BRINP1: variants seen among roughly 807,000 people sequenced by gnomAD.
BRINP1 encodes the protein BMP/retinoic acid inducible neural specific 1.
In BRINP1, 17 loss-of-function variants were observed where a neutral mutation model predicts 72.9. The ratio of observed to expected loss-of-function variants is 0.23; its 90% CI spans 0.16 to 0.35. The LOEUF is 0.35. Among genes scored for constraint, BRINP1 ranks in the 10% least tolerant of loss-of-function variants. The pLI is 1.00. For missense variants in BRINP1, 850 were observed against 1,001.6 expected (o/e 0.85, Z 2.04); for synonymous variants, 418 against 378.5 (o/e 1.10, Z -1.21).
intron 5 of BRINP1, among the ~76,000 whole-genome samples, chr9:119,233,577 T>C (rs1191156442): frequency 1.3e-5 from 2 of 152,182 alleles, no homozygotes; most frequent in African/African-American, 2.4e-5. Context: ...CTCCCCTTTA[T>C]TCATGTTCTT....
chr9:119,298,721 C>T (rs1199765950), intron 2 of BRINP1, among the ~76,000 whole-genome samples: 1 of 152,158 alleles, frequency 6.6e-6, no homozygotes, highest in East Asian at 1.9e-4. Context: ...CATCTCCCAA[C>T]ACCCTTCTAG....
At chr9:119,188,449 G>A (rs372213760) in intron 7 of BRINP1, among the ~76,000 whole-genome samples, 1 of 152,068 alleles carries the variant, frequency 6.6e-6, no homozygotes, top group African/African-American at 2.4e-5. Flanking sequence ...AAGATTCATC[G>A]CCACTAGACC....
intron 1 of BRINP1, among the ~76,000 whole-genome samples, chr9:119,349,778 G>A (rs529095102): frequency 6.0e-4 from 91 of 152,232 alleles, no homozygotes; most frequent in Middle Eastern, 6.8e-3. Context: ...ATCTGTGGAG[G>A]GGAAGTGCAG....
At chr9:119,289,341 C>T (rs554649539) in intron 2 of BRINP1, among the ~76,000 whole-genome samples, 79 of 152,194 alleles carry the variant, frequency 5.2e-4, no homozygotes, top group African/African-American at 1.8e-3. Flanking sequence ...ACCTGTAAGA[C>T]GATGAAGAAC....
At chr9:119,315,146 C>T (rs952440583) in intron 1 of BRINP1, among the ~76,000 whole-genome samples, 23 of 152,110 alleles carry the variant, frequency 1.5e-4, no homozygotes, top group Non-Finnish European at 2.2e-4. Flanking sequence ...TTGTATTATG[C>T]TTACAGGCAT....
At chr9:119,310,012 C>A (rs937052008) in intron 2 of BRINP1, among the ~76,000 whole-genome samples, 4 of 152,046 alleles carry the variant, frequency 2.6e-5, no homozygotes, top group African/African-American at 7.2e-5. Flanking sequence ...TGAACAAAAC[C>A]TAAATCTCTA....
At position 119,242,233 on chromosome 9, in the gene BRINP1, A is replaced by G. The variant is rs536172694; in HGVS notation, c.410-17T>C. The G allele has an allele frequency of 1.2e-5, 20 of 1,611,898 alleles. No homozygotes were observed. The Admixed American group carries it at 3.3e-4, about 27-fold the overall frequency. On this transcript the variant is annotated splice_polypyrimidine_tract_variant and intron_variant, in intron 3 of 7. Coordinates refer to ENST00000265922, the MANE Select transcript of BRINP1 (RefSeq NM_014618.3). ...CCTCCTCCCCTGGATGGGAAAGAAA[A>G]GTAGATAAGAAGGTTTGTGGAGCTT...
At chr9:119,196,410 C>T (rs1829738595) in intron 7 of BRINP1, among the ~76,000 whole-genome samples, 2 of 152,158 alleles carry the variant, frequency 1.3e-5, no homozygotes, top group South Asian at 4.1e-4. Context: ...GAGATCCCAT[C>T]GATTCTCCAA....
intron 1 of BRINP1, among the ~76,000 whole-genome samples, chr9:119,359,406 T>C (rs1831606614): frequency 6.6e-6 from 1 of 152,180 alleles, no homozygotes; most frequent in South Asian, 2.1e-4. Context: ...TGCTAAATAT[T>C]GCCCAGGCTG....
intron 2 of BRINP1, among the ~76,000 whole-genome samples, chr9:119,273,479 G>T (rs1357316390): frequency 6.6e-6 from 1 of 152,140 alleles, no homozygotes; most frequent in Non-Finnish European, 1.5e-5. Context: ...AAAATTCTTT[G>T]AGTGGGAGCA....
In BRINP1 at chr9:119,242,085, T is replaced by G; in HGVS notation, c.541A>C (p.Arg181=). The change falls in exon 4 of 8, where the codon AGG becomes CGG. Residue 181 remains arginine (R), a synonymous_variant. Transcript: ENST00000265922. ...GTTGATATCTGGATCTCATGAAGCCTCCTCATGGTACCATCACGGTCAACA... is the reference window on the plus strand; with the variant it reads ...GTTGATATCTGGATCTCATGAAGCCGCCTCATGGTACCATCACGGTCAACA... The part of the protein sequence containing the change: ...YFVDRDGTMR[R]LHEIQISTGA... 1 of 1,614,096 alleles carries G rather than the reference T, an allele frequency of 6.2e-7. No individual in the cohort carries two copies.
At chr9:119,205,994 T>G (rs1267159474) in intron 7 of BRINP1, among the ~76,000 whole-genome samples, 1 of 148,996 alleles carries the variant, frequency 6.7e-6, no homozygotes, top group Non-Finnish European at 1.5e-5. Context: ...AACTTATATG[T>G]TAAAGTCCTA....
chr9:119,167,746 T>C lies in BRINP1; in HGVS notation c.1624A>G (p.Ile542Val). 1.9e-6 allele frequency: 3 copies of C among 1,614,066 alleles called. No homozygotes were observed. The highest frequency in any genetic ancestry group is 4.5e-5 in the East Asian group (2 of 44,848). ...KNRMDFIHMV[I>V]GMSMRICQMR... ...TGGCAGATGCGCATGGACATGCCGA[T>C]CACCATGTGGATGAAGTCCATGCGG... The change falls in exon 8 of 8, where the codon ATC (isoleucine) becomes GTC (valine). Residue 542 changes from isoleucine (I) to valine (V), a missense_variant. Coordinates refer to ENST00000265922, the MANE Select transcript of BRINP1 (RefSeq NM_014618.3). The surrounding 1 kb of genome is among the most constrained non-coding windows in gnomAD (Gnocchi z 4.3).
rs1830623379 is a variant in BRINP1 at position 119,273,039 on chromosome 9, C to G, written c.219-23889G>C. 2.0e-5 allele frequency among the ~76,000 whole-genome samples: 3 copies of G among 152,158 alleles called. No homozygotes were observed. In the South Asian group the frequency reaches 6.2e-4, roughly 32 times the overall value. On this transcript the variant is annotated intron_variant, in intron 2 of 7. Coordinates refer to ENST00000265922, the MANE Select transcript of BRINP1 (RefSeq NM_014618.3). ...GGCCAGCAGCCAGGGCTTCTGGGCCCTGATGTTTCCTGCACACAGTTCTGG... is the reference window on the plus strand; with the variant it reads ...GGCCAGCAGCCAGGGCTTCTGGGCCGTGATGTTTCCTGCACACAGTTCTGG...
intron 5 of BRINP1, among the ~76,000 whole-genome samples, chr9:119,231,436 C>T (rs1830148102): frequency 6.6e-6 from 1 of 151,998 alleles, no homozygotes; most frequent in South Asian, 2.1e-4. Context: ...CAACATTAGA[C>T]AAAAGTTTTG....
At chr9:119,175,833 A>ACTT (rs1233870894) in intron 7 of BRINP1, among the ~76,000 whole-genome samples, 1 of 152,094 alleles carries the variant, frequency 6.6e-6, no homozygotes, top group Non-Finnish European at 1.5e-5. Flanking sequence ...TGTGTCTAGC[A>ACTT]CTTTTTACCC....
chr9:119,302,554 T>C (rs1247178159), intron 2 of BRINP1, among the ~76,000 whole-genome samples: 1 of 152,134 alleles, frequency 6.6e-6, no homozygotes, highest in Non-Finnish European at 1.5e-5. Context: ...AATGAGAAAG[T>C]GTAGGATCCA....
chr9:119,267,880 T>C (rs1830564177), intron 2 of BRINP1, among the ~76,000 whole-genome samples: 1 of 151,622 alleles, frequency 6.6e-6, no homozygotes, highest in East Asian at 1.9e-4. Context: ...AAGAGAAGAA[T>C]CCAGCAATGA....
At chr9:119,197,191 A>C (rs755965614) in intron 7 of BRINP1, among the ~76,000 whole-genome samples, 18 of 152,246 alleles carry the variant, frequency 1.2e-4, no homozygotes, top group Admixed American at 5.2e-4. Flanking sequence ...AACTTGGTTC[A>C]CTGAGTCAGA....
Sources: gnomAD v4.1 joint callset for allele counts (sites outside exome capture counted in the v4.1 genomes callset) on GRCh38, gnomAD v4.1.1 for gene constraint, Gnocchi (gnomAD v3.1) non-coding constraint, MANE v1.5 for transcripts, NCBI Gene and HGNC (gene_info 2026-07-23, HGNC 2026-07-21) for gene names.